Variants in DNAJC13 observed in about 807,000 individuals in gnomAD.
DNAJC13 encodes the protein DnaJ heat shock protein family (Hsp40) member C13.
DNAJC13 carries 75 observed loss-of-function variants against 290.5 expected under a neutral mutation model. That is an observed-to-expected ratio of 0.26 (90% CI 0.21 to 0.31). The LOEUF is 0.31. Ranked by LOEUF, DNAJC13 falls within the 10% of genes least tolerant of loss-of-function variation. The pLI, the probability that DNAJC13 is intolerant of heterozygous loss-of-function variation, is 1.00. For missense variants in DNAJC13, 2,260 were observed against 2,674.5 expected, an observed-to-expected ratio of 0.85 and a Z score of 3.42; for synonymous variants, 862 against 892.0, an observed-to-expected ratio of 0.97 and a Z score of 0.60.
At chr3:132,517,884 G>A (rs72994284) in intron 48 of DNAJC13, among the ~76,000 whole-genome samples, 5,580 of 152,252 alleles carry the variant, frequency 0.037, 344 homozygotes, top group African/African-American at 0.12. Flanking sequence ...ACCTGAAACA[G>A]TTTTACTTTA....
chr3:132,538,154 T>C, intron 55 of DNAJC13, 22 bp from the exon 56 acceptor site: 1 of 1,600,910 alleles, frequency 6.2e-7, no homozygotes, highest in Non-Finnish European at 8.6e-7. Flanking sequence ...TAGAGGTGTG[T>C]GTTTACCTTT....
At position 132,489,026 on chromosome 3, in the gene DNAJC13, G is replaced by C; in HGVS notation, c.3468+5G>C. The C allele has an allele frequency of 6.2e-7, 1 of 1,610,298 alleles. No homozygotes were observed. Among genetic ancestry groups the C allele is most frequent in the Non-Finnish European group, 8.5e-7 (1 of 1,177,056 alleles). On this transcript the variant is annotated splice_donor_5th_base_variant and intron_variant, in intron 31 of 55. Transcript: ENST00000260818. ...CAGGCTTTCAAGTCAGAAGAGGTAA[G>C]CCAGGTTAATCCTCTGAATACTTAA...
chr3:132,467,115 G>A lies in DNAJC13; in HGVS notation c.2065-55G>A, dbSNP rs181798249. On this transcript the variant is annotated intron_variant, in intron 19 of 55. Transcript: ENST00000260818. Reference sequence around the variant, plus strand: ...ATAGAATGACTCAGCTTTACATAGAGTTTTAAAATAAATTTGCAAACAGGC... The same window carrying A: ...ATAGAATGACTCAGCTTTACATAGAATTTTAAAATAAATTTGCAAACAGGC... The A allele has an allele frequency of 6.8e-4, 1,055 of 1,562,334 alleles. 1 individual carries two copies. Among genetic ancestry groups the A allele is most frequent in the Admixed American group, 1.1e-3 (59 of 53,974 alleles).
intron 1 of DNAJC13, among the ~76,000 whole-genome samples, chr3:132,423,467 TTCTC>T (rs937745032): frequency 6.6e-5 from 10 of 152,214 alleles, no homozygotes; most frequent in Non-Finnish European, 1.0e-4. Flanking sequence ...GCTATGGGGT[TTCTC>T]TCCTCAAACT....
chr3:132,516,706 G>A lies in DNAJC13; in HGVS notation c.5563G>A (p.Ala1855Thr), dbSNP rs1935930088. 6.2e-7 allele frequency: 1 copy of A among 1,609,620 alleles called. No individual in the cohort carries two copies. The highest frequency in any genetic ancestry group is 2.2e-5 in the East Asian group (1 of 44,800). ...KIIKEAMAKG[A>T]LIYLLDMFCN... ...CTAATTATCTTTTTCCTTCATAGGT[G>A]CTTTGATCTATTTACTGGATATGTT... is the stretch of plus-strand genomic sequence containing the variant. Residue 1855 changes from alanine (A) to threonine (T), a missense_variant and splice_region_variant, in exon 48 of 56, where the codon GCT (alanine) becomes ACT (threonine). Ala to Thr is a moderately conservative substitution (Grantham distance 58). Around this residue, in one of 3 missense-constraint regions of DNAJC13, gnomAD observed 1,494 missense variants for 1,693.7 expected, o/e 0.88. Coordinates refer to ENST00000260818, the MANE Select transcript of DNAJC13 (RefSeq NM_015268.4).
At chr3:132,475,974 C>T (rs922547841) in intron 22 of DNAJC13, among the ~76,000 whole-genome samples, 4 of 152,064 alleles carry the variant, frequency 2.6e-5, no homozygotes, top group African/African-American at 9.7e-5. Flanking sequence ...TGCTTTATTG[C>T]ATAGGCTAGA....
In DNAJC13 at chr3:132,475,000, C is replaced by T. The variant is rs1232342948; in HGVS notation, c.2360C>T (p.Thr787Ile). ...NFKTREELKD[T>I]LESEMRAFNI... ...AAAACACGAGAAGAACTGAAAGATACTCTTGAATCTGAAATGAGAGCATTT... is the reference window on the plus strand; with the variant it reads ...AAAACACGAGAAGAACTGAAAGATATTCTTGAATCTGAAATGAGAGCATTT... The change falls in exon 22 of 56, where the codon ACT (threonine) becomes ATT (isoleucine). Residue 787 changes from threonine (T) to isoleucine (I), a missense_variant. By Grantham distance (89) the Thr-to-Ile change is moderately conservative (BLOSUM62 -1). This residue lies in a region of DNAJC13 where 762 missense variants were observed against 964.1 expected (regional missense o/e 0.79). Coordinates refer to ENST00000260818, the MANE Select transcript of DNAJC13 (RefSeq NM_015268.4). 4 of 1,612,032 alleles carry T rather than the reference C, an allele frequency of 2.5e-6. No individual in the cohort carries two copies. Among genetic ancestry groups the T allele is most frequent in the Admixed American group, 3.3e-5 (2 of 59,856 alleles).
At chr3:132,479,621 A>G (rs1044574993) in intron 25 of DNAJC13, among the ~76,000 whole-genome samples, 2 of 152,160 alleles carry the variant, frequency 1.3e-5, no homozygotes, top group African/African-American at 4.8e-5. Context: ...ATTTTAAGTA[A>G]AATATATGCT....
At chr3:132,447,826 A>T (rs1933301132) in intron 4 of DNAJC13, 72 bp from the exon 5 acceptor site, 1 of 1,201,292 alleles carries the variant, frequency 8.3e-7, no homozygotes, top group African/African-American at 1.5e-5. Context: ...ACTTGCTTTG[A>T]GTAGAAGGGA....
Position 132,503,341 on chromosome 3 carries a change from C to A in DNAJC13, c.4844C>A (p.Pro1615His), listed in dbSNP as rs1471908672. 1 of 1,613,978 alleles carries A rather than the reference C, an allele frequency of 6.2e-7. No individual in the cohort carries two copies. The highest frequency in any genetic ancestry group is 8.5e-7 in the Non-Finnish European group (1 of 1,179,970). Residue 1615 changes from proline (P) to histidine (H), a missense_variant, in exon 41 of 56, where the codon CCC (proline) becomes CAC (histidine). By Grantham distance (77) the Pro-to-His change is moderately conservative. Coordinates refer to ENST00000260818, the MANE Select transcript of DNAJC13 (RefSeq NM_015268.4). ...IRKSLAGMLT[P>H]YVARKLAVAS... ...AAAAGCTTAGCTGGCATGCTGACAC[C>A]CTATGTTGCTAGAAAACTTGCTGTG... is the stretch of plus-strand genomic sequence containing the variant.
At chr3:132,491,480 C>T (rs997856718) in intron 32 of DNAJC13, among the ~76,000 whole-genome samples, 1 of 151,726 alleles carries the variant, frequency 6.6e-6, no homozygotes, top group South Asian at 2.1e-4. Context: ...CAGAGATACC[C>T]GAAATTATTC....
chr3:132,520,443 T>C (rs1408887460), intron 48 of DNAJC13, among the ~76,000 whole-genome samples: 1 of 152,210 alleles, frequency 6.6e-6, no homozygotes, highest in Non-Finnish European at 1.5e-5. Context: ...CACCAGTGAG[T>C]AATAAACTTA....
At chr3:132,434,152 G>A (rs1939312709) in intron 1 of DNAJC13, among the ~76,000 whole-genome samples, 1 of 151,990 alleles carries the variant, frequency 6.6e-6, no homozygotes, top group Non-Finnish European at 1.5e-5. Flanking sequence ...GGAGCTTGCA[G>A]TGAGCCGAGA....
chr3:132,508,506 C>T (rs116740717), intron 43 of DNAJC13, among the ~76,000 whole-genome samples: 3,108 of 152,264 alleles, frequency 0.02, 53 homozygotes, highest in Non-Finnish European at 0.032. Flanking sequence ...AGCCAGTGCT[C>T]ATTTACCCTT....
At chr3:132,427,105 ACGTGTGTGTGTG>A (rs1939113430) in intron 1 of DNAJC13, among the ~76,000 whole-genome samples, 2 of 129,344 alleles carry the variant, frequency 1.5e-5, no homozygotes, top group South Asian at 5.0e-4. Context: ...GTGTGTGTGC[ACGTGTGTGTGTG>A]TGTATATATA....
chr3:132,470,645 G>A (rs1441757188), intron 20 of DNAJC13, among the ~76,000 whole-genome samples: 3 of 141,134 alleles, frequency 2.1e-5, no homozygotes, highest in Admixed American at 6.8e-5. Flanking sequence ...TCCCGGACGG[G>A]GCGGCTGGCC....
At position 132,513,002 on chromosome 3, in the gene DNAJC13, C is replaced by T; in HGVS notation, c.5294-6C>T. On this transcript the variant is annotated splice_polypyrimidine_tract_variant and splice_region_variant and intron_variant, in intron 44 of 55. Transcript: ENST00000260818. ...GGAAGTAAACCATTTTATTCTTATT[C>T]TCTAGGTTCTGAGAGTGAATGCATT... 6.2e-7 allele frequency: 1 copy of T among 1,609,066 alleles called. No homozygotes were observed. The highest frequency in any genetic ancestry group is 8.5e-7 in the Non-Finnish European group (1 of 1,175,738).
intron 20 of DNAJC13, among the ~76,000 whole-genome samples, chr3:132,469,977 T>TTTC (rs1934136766): frequency 1.6e-5 from 2 of 123,202 alleles, no homozygotes; most frequent in Non-Finnish European, 3.2e-5. Flanking sequence ...TTTTTTTTTT[T>TTTC]TTTTTTTTTT....
chr3:132,464,126 CTT>C (rs1270820971), intron 17 of DNAJC13, among the ~76,000 whole-genome samples: 1 of 152,168 alleles, frequency 6.6e-6, no homozygotes, highest in Non-Finnish European at 1.5e-5. Context: ...ATGCTCAGGT[CTT>C]TTCTCCTTAT....
Sources: allele counts gnomAD v4.1 joint callset (sites outside exome capture counted in the v4.1 genomes callset), GRCh38; gene constraint gnomAD v4.1.1; regional missense constraint gnomAD v4.1.1; transcripts MANE v1.5; gene names NCBI Gene and HGNC (gene_info 2026-07-23, HGNC 2026-07-21).